The following ADCYAP1 variants were observed in gnomAD, a reference collection of about 807,000 sequenced individuals.
ADCYAP1 encodes pituitary adenylate cyclase-activating polypeptide.
ADCYAP1 carries 6 observed loss-of-function variants against 18.5 expected under a neutral mutation model. The observed-to-expected ratio is 0.32, with a 90% confidence interval of 0.18 to 0.64. The LOEUF (loss-of-function observed/expected upper bound fraction) is 0.64. Among genes scored for constraint, ADCYAP1 ranks in the 30% least tolerant of loss-of-function variants. ADCYAP1 has a pLI of 0.77. For missense variants in ADCYAP1, 314 were observed against 253.6 expected (o/e 1.24, Z -1.62); for synonymous variants, 136 against 113.9 (o/e 1.19, Z -1.24).
intron 2 of ADCYAP1, 41 bp downstream of exon 2, chr18:905,537 C>T: frequency 6.3e-7 from 1 of 1,596,326 alleles, no homozygotes; most frequent in East Asian, 2.2e-5. Context: ...GCTGGGGCTT[C>T]CCAGGCACAG....
At position 904,872 on chromosome 18, in the gene ADCYAP1, G is replaced by C; in HGVS notation, c.-190G>C. 1 of 1,288,080 alleles carries C rather than the reference G, an allele frequency of 7.8e-7. No individual in the cohort carries two copies. Among genetic ancestry groups the C allele is most frequent in the Non-Finnish European group, 1.0e-6 (1 of 987,722 alleles). The allele number at this position is 1,288,080 out of a possible 1,614,324, so 79.8% of individuals were successfully genotyped here. A position where few individuals can be genotyped will look rare whatever the true frequency, so the allele number is the denominator to read the frequency against. ...CTGCGCGTCTACAAACTTTTGAGCA[G>C]AACACGAGCCTCGGCAAACGAGTCC... On this transcript the variant is annotated 5_prime_UTR_variant, in exon 1 of 5. Transcript: ENST00000450565.
intron 2 of ADCYAP1, 185 bp downstream of exon 2, chr18:905,681 C>G (rs1909142262): frequency 9.7e-6 from 7 of 718,674 alleles, no homozygotes; most frequent in Middle Eastern, 4.0e-4. Context: ...CTGGCAGGCT[C>G]CGCGACTGCT....
At chr18:904,626 T>C, upstream of ADCYAP1, 4 of 1,247,714 alleles carry the variant, frequency 3.2e-6, no homozygotes, top group Non-Finnish European at 4.1e-6. Context: ...CGCGGCTGCC[T>C]GGCCCGCGGC....
intron 2 of ADCYAP1, among the ~76,000 whole-genome samples, chr18:906,979 G>A (rs888759336): frequency 2.6e-5 from 4 of 152,208 alleles, no homozygotes; most frequent in African/African-American, 9.6e-5. Flanking sequence ...CCGTGTGCCT[G>A]GCACTTTCTC....
chr18:905,345 G>GA, intron 1 of ADCYAP1, 41 bp from the exon 2 acceptor site: 1 of 1,605,832 alleles, frequency 6.2e-7, no homozygotes, highest in Non-Finnish European at 8.5e-7. Flanking sequence ...GAGGCCAGGG[G>GA]CGTTCTCACA....
At chr18:908,385 A>G in intron 4 of ADCYAP1, 22 bp downstream of exon 4, 1 of 1,599,694 alleles carries the variant, frequency 6.3e-7, no homozygotes, top group Non-Finnish European at 8.5e-7. Context: ...TGGAAGGATT[A>G]ACCTGCGCGC....
At position 911,209 on chromosome 18, in the gene ADCYAP1, C is replaced by T. The variant is rs921888114; in HGVS notation, c.*1574C>T. On this transcript the variant is annotated 3_prime_UTR_variant, in exon 5 of 5. Transcript: ENST00000450565. ...AGCTCCAACAGACCCTGAGAACCTA[C>T]GCTTGTATCCTTTCTTTGGCTAAAG... is the stretch of plus-strand genomic sequence containing the variant. 8 of 152,106 alleles carry T rather than the reference C, an allele frequency of 5.3e-5. No homozygotes were observed. The highest frequency in any genetic ancestry group is 2.0e-4 in the Admixed American group (3 of 15,268). 9.4% of individuals were successfully genotyped at this position (152,106 alleles called of 1,614,324 possible).
rs1161309096 is a variant in ADCYAP1 at position 909,818 on chromosome 18, G to A, written c.*183G>A. On this transcript the variant is annotated 3_prime_UTR_variant, in exon 5 of 5. Transcript: ENST00000450565. ...TTCTTTCTACAAAGCACTAGAGAAT[G>A]CACAGATATACTTTGTGGACCAATT... 17 of 307,910 alleles carry A rather than the reference G, an allele frequency of 5.5e-5. 1 individual carries two copies. The East Asian group carries it at 9.0e-4, about 16-fold the overall frequency. 19.1% of individuals were successfully genotyped at this position (307,910 alleles called of 1,614,324 possible).
chr18:907,515 C>T (rs1229256305), intron 2 of ADCYAP1, 144 bp from the exon 3 acceptor site: 2 of 886,574 alleles, frequency 2.3e-6, no homozygotes, highest in Non-Finnish European at 3.2e-6. Flanking sequence ...TCTGCTCCCA[C>T]CCCCAGTCCT....
Position 907,660 on chromosome 18 carries a change from C to A in ADCYAP1, c.112C>A (p.Pro38Thr). ...AAGLRFPGIR[P>T]EEEAYGEDGN... ...CTTCTGTCCCCGGCCACCCCGCAGG[C>A]CAGAGGAAGAGGCGTACGGCGAGGA... The change falls in exon 3 of 5, where the codon CCA becomes ACA. Residue 38 changes from proline to threonine, a missense_variant and splice_region_variant. Coordinates refer to ENST00000450565, the MANE Select transcript of ADCYAP1 (RefSeq NM_001099733.2). 1 of 1,582,352 alleles carries A rather than the reference C, an allele frequency of 6.3e-7. No homozygotes were observed. The highest frequency in any genetic ancestry group is 8.5e-7 in the Non-Finnish European group (1 of 1,172,332).
chr18:906,842 G>T (rs1168877990), intron 2 of ADCYAP1, among the ~76,000 whole-genome samples: 1 of 152,238 alleles, frequency 6.6e-6, no homozygotes, highest in Non-Finnish European at 1.5e-5. Flanking sequence ...GCACTCGCTG[G>T]ATCTCGGTCC....
In ADCYAP1 at chr18:909,122, A is replaced by C. The variant is rs552200552; in HGVS notation, c.342-324A>C. Among the ~76,000 whole-genome samples, 27 of 151,586 alleles carry C rather than the reference A, an allele frequency of 1.8e-4. No homozygotes were observed. The East Asian group carries it at 4.6e-3, about 26-fold the overall frequency. On this transcript the variant is annotated intron_variant, in intron 4 of 4. Transcript: ENST00000450565. ...GAACAGCGAGGACAATTTAGCGCAA[A>C]CACACGAAGGGTCGGATCTCAAGGG...
chr18:908,394 G>C (rs1410626412), intron 4 of ADCYAP1, 31 bp downstream of exon 4: 2 of 1,591,354 alleles, frequency 1.3e-6, no homozygotes, highest in Middle Eastern at 1.7e-4. Flanking sequence ...TAACCTGCGC[G>C]CGCCGGGGTG....
chr18:907,501 T>C (rs1378828820), intron 2 of ADCYAP1, 158 bp from the exon 3 acceptor site: 19 of 763,714 alleles, frequency 2.5e-5, no homozygotes, highest in Non-Finnish European at 3.3e-5. Context: ...GCCTCCTCCT[T>C]ACCTCTGCTC....
chr18:905,200 A>AT (rs566002626), intron 1 of ADCYAP1, 140 bp downstream of exon 1: 176 of 1,410,086 alleles, frequency 1.2e-4, no homozygotes, highest in Admixed American at 6.7e-4. Context: ...ATATATATAT[A>AT]TTTTTTTCTA....
chr18:904,939 G>A lies in ADCYAP1; in HGVS notation c.-123G>A, dbSNP rs543734758. 1,260 of 1,290,524 alleles carry A rather than the reference G, an allele frequency of 9.8e-4. 2 individuals carry two copies. The highest frequency in any genetic ancestry group is 1.2e-3 in the Non-Finnish European group (1,151 of 989,698). 79.9% of individuals were successfully genotyped at this position (1,290,524 alleles called of 1,614,324 possible). A position where few individuals can be genotyped will look rare whatever the true frequency, so the allele number is the denominator to read the frequency against. On this transcript the variant is annotated 5_prime_UTR_variant, in exon 1 of 5. Coordinates refer to ENST00000450565, the MANE Select transcript of ADCYAP1 (RefSeq NM_001099733.2). ...GCTCCCGCTGGTTCCTGCGGCTTCT[G>A]CTCAGACACCAACGCCAGACGGCGA...
At chr18:908,034 G>A (rs1909244401) in intron 3 of ADCYAP1, 2 of 765,614 alleles carry the variant, frequency 2.6e-6, no homozygotes, top group African/African-American at 1.8e-5. Context: ...AGTGAGTGGC[G>A]TCAAGGAACC....
intron 1 of ADCYAP1, 46 bp from the exon 2 acceptor site, chr18:905,340 C>T (rs537375314): frequency 2.5e-6 from 4 of 1,602,662 alleles, no homozygotes; most frequent in African/African-American, 2.7e-5. Context: ...GGTGGGAGGC[C>T]AGGGGCGTTC....
intron 1 of ADCYAP1, 83 bp from the exon 2 acceptor site, chr18:905,303 G>A (rs1909120118): frequency 1.3e-6 from 2 of 1,549,880 alleles, no homozygotes; most frequent in Admixed American, 1.8e-5. Context: ...TCCCTCCCCC[G>A]GCTTCCAGAG....
Sources: allele counts gnomAD v4.1 joint callset (sites outside exome capture counted in the v4.1 genomes callset), GRCh38; gene constraint gnomAD v4.1.1; transcripts MANE v1.5; gene names NCBI Gene and HGNC (gene_info 2026-07-23, HGNC 2026-07-21).